The following ARB2A variants were observed in gnomAD, a reference collection of about 807,000 sequenced individuals.
ARB2A encodes ARB2 cotranscriptional regulator A.
At chr5:93,911,253 T>C in the ARB2A span, among the ~76,000 whole-genome samples, 1 of 151,604 alleles carries the variant, frequency 6.6e-6, no homozygotes, top group Non-Finnish European at 1.5e-5. Context: ...CCACTAAATT[T>C]GTAGGTAAAA....
the ARB2A span, among the ~76,000 whole-genome samples, chr5:93,636,540 A>C: frequency 6.6e-6 from 1 of 152,220 alleles, no homozygotes; most frequent in African/African-American, 2.4e-5. Context: ...ATGAAAAAGA[A>C]AGCAGGCCCT....
chr5:93,969,194 A>G, the ARB2A span, among the ~76,000 whole-genome samples: 2 of 151,994 alleles, frequency 1.3e-5, no homozygotes, highest in African/African-American at 4.8e-5. Flanking sequence ...ATTTGATCTA[A>G]CAGATAACAG....
At chr5:93,958,435 A>G in the ARB2A span, among the ~76,000 whole-genome samples, 51 of 152,254 alleles carry the variant, frequency 3.3e-4, no homozygotes, top group East Asian at 1.2e-3. Context: ...GTTATTTTCA[A>G]TAATGTTGAT....
the ARB2A span, among the ~76,000 whole-genome samples, chr5:93,847,718 G>T: frequency 6.6e-6 from 1 of 152,088 alleles, no homozygotes; most frequent in Non-Finnish European, 1.5e-5. Context: ...CATGTATTAT[G>T]AATTAACATG....
the ARB2A span, among the ~76,000 whole-genome samples, chr5:93,644,555 A>C: frequency 6.6e-6 from 1 of 152,232 alleles, no homozygotes; most frequent in Non-Finnish European, 1.5e-5. Context: ...ACAGACTCAA[A>C]TAGAAAACAT....
the ARB2A span, among the ~76,000 whole-genome samples, chr5:94,024,846 T>C: frequency 6.6e-6 from 1 of 151,988 alleles, no homozygotes; most frequent in African/African-American, 2.4e-5. Flanking sequence ...GGCCCAGAGA[T>C]ATAAAACAGC....
chr5:93,867,071 A>G, the ARB2A span, among the ~76,000 whole-genome samples: 1 of 152,136 alleles, frequency 6.6e-6, no homozygotes, highest in African/African-American at 2.4e-5. Flanking sequence ...AGCTAAACAG[A>G]TTTTACTTTT....
chr5:93,861,716 T>C, the ARB2A span: 1 of 152,196 alleles, frequency 6.6e-6, no homozygotes, highest in Non-Finnish European at 1.5e-5. Flanking sequence ...GGCTGCAAAA[T>C]ATAAGTTACA....
the ARB2A span, among the ~76,000 whole-genome samples, chr5:93,941,394 G>A: frequency 6.6e-6 from 1 of 151,912 alleles, no homozygotes; most frequent in Non-Finnish European, 1.5e-5. Flanking sequence ...AAGCTCAAGA[G>A]AAAAGCAGAT....
chr5:94,002,517 T>C, the ARB2A span, among the ~76,000 whole-genome samples: 1 of 152,126 alleles, frequency 6.6e-6, no homozygotes, highest in Non-Finnish European at 1.5e-5. Context: ...TCCAGTAAGT[T>C]TGATTCTTTG....
At chr5:93,966,769 G>T in the ARB2A span, among the ~76,000 whole-genome samples, 1 of 152,010 alleles carries the variant, frequency 6.6e-6, no homozygotes, top group Non-Finnish European at 1.5e-5. Flanking sequence ...CCAAGGTATG[G>T]CAAAGTGTCT....
At chr5:93,909,684 T>C in the ARB2A span, among the ~76,000 whole-genome samples, 9 of 151,084 alleles carry the variant, frequency 6.0e-5, no homozygotes, top group Non-Finnish European at 1.0e-4. Flanking sequence ...ATAATCCTCT[T>C]GAAAAAAATT....
At chr5:94,012,058 G>A in the ARB2A span, among the ~76,000 whole-genome samples, 2 of 151,594 alleles carry the variant, frequency 1.3e-5, no homozygotes, top group Non-Finnish European at 2.9e-5. Flanking sequence ...ATATTGAGAA[G>A]AAAAAAGTCA....
chr5:93,819,178 T>C, the ARB2A span, among the ~76,000 whole-genome samples: 1 of 67,970 alleles, frequency 1.5e-5, no homozygotes, highest in African/African-American at 5.8e-5. Flanking sequence ...AGAGCGAAAC[T>C]CCGTCTCAAA....
the ARB2A span, among the ~76,000 whole-genome samples, chr5:94,043,941 G>C: frequency 6.6e-6 from 1 of 152,146 alleles, no homozygotes; most frequent in Non-Finnish European, 1.5e-5. Flanking sequence ...TTTGTCTTTA[G>C]TAAAAATGGA....
At chr5:93,981,435 T>A in the ARB2A span, among the ~76,000 whole-genome samples, 1 of 152,022 alleles carries the variant, frequency 6.6e-6, no homozygotes, top group South Asian at 2.1e-4. Context: ...AAGACTGTAG[T>A]TTTACTTAAT....
chr5:93,799,371 A>G, the ARB2A span, among the ~76,000 whole-genome samples: 1 of 152,016 alleles, frequency 6.6e-6, no homozygotes, highest in Non-Finnish European at 1.5e-5. Flanking sequence ...TCCTCTTTCA[A>G]GACTCTTACG....
the ARB2A span, among the ~76,000 whole-genome samples, chr5:93,657,385 A>G: frequency 1.3e-3 from 193 of 152,296 alleles, no homozygotes; most frequent in Non-Finnish European, 1.2e-3. Context: ...TTCTAGACCT[A>G]TCATATTTGA....
At chr5:94,068,862 C>CAAAA in the ARB2A span, among the ~76,000 whole-genome samples, 15 of 62,350 alleles carry the variant, frequency 2.4e-4, no homozygotes, top group African/African-American at 2.7e-4. Flanking sequence ...ACTAAAAATA[C>CAAAA]AAAAAAAAAA....
Sources: allele counts gnomAD v4.1 joint callset (sites outside exome capture counted in the v4.1 genomes callset), GRCh38; gene constraint gnomAD v4.1.1; transcripts MANE v1.5; gene names NCBI Gene and HGNC (gene_info 2026-07-23, HGNC 2026-07-21).